ATM: variants seen among roughly 807,000 people sequenced by gnomAD.
The protein encoded by ATM is ATM serine/threonine kinase.
ATM carries 308 observed loss-of-function variants against 387.0 expected under a neutral mutation model. That is an observed-to-expected ratio of 0.80 (90% CI 0.73 to 0.87). The LOEUF is 0.87. Among genes scored for constraint, ATM ranks in the 40% least tolerant of loss-of-function variants. The probability of loss-of-function intolerance (pLI) is 0.00; values close to 1 mark genes in which losing one functional copy is unlikely to be tolerated. For synonymous variants in ATM, 1,156 were observed against 1,187.3 expected, an observed-to-expected ratio of 0.97 and a Z score of 0.54; for missense variants, 3,312 against 3,560.9, an observed-to-expected ratio of 0.93 and a Z score of 1.78.
At chr11:108,242,971 G>A (rs182215827) in intron 5 of ATM, among the ~76,000 whole-genome samples, 9 of 152,230 alleles carry the variant, frequency 5.9e-5, no homozygotes, top group African/African-American at 1.4e-4. Context: ...TGTAATCCTA[G>A]CACTTTGGGA....
rs993072953 is a variant in ATM at position 108,254,330 on chromosome 11, A to G, written c.2124+291A>G. Among the ~76,000 whole-genome samples, 27 of 152,160 alleles carry G rather than the reference A, an allele frequency of 1.8e-4. 1 individual carries two copies. ...TTTGAGCATAGGGATTATATGATGA[A>G]AAAAACCTCTAAATACAAAGGAGGG... On this transcript the variant is annotated intron_variant, in intron 13 of 62. Coordinates refer to ENST00000675843, the MANE Select transcript of ATM (RefSeq NM_000051.4).
intron 61 of ATM, among the ~76,000 whole-genome samples, chr11:108,362,203 C>T (rs1454273115): frequency 2.7e-5 from 4 of 146,432 alleles, no homozygotes; most frequent in African/African-American, 5.0e-5. Context: ...AAAAAATGCT[C>T]ATCATCACTG....
intron 38 of ATM, chr11:108,308,666 A>G: frequency 7.4e-6 from 2 of 269,804 alleles, no homozygotes; most frequent in Non-Finnish European, 1.4e-5. Flanking sequence ...ATAAGTGTGT[A>G]TGGTGGTGGT....
rs772529339 is a variant in ATM, at chr11:108,249,068, C to T, written c.1201C>T (p.Gln401Ter). The T allele has an allele frequency of 3.1e-6, 5 of 1,613,980 alleles. No individual in the cohort carries two copies. Among genetic ancestry groups the T allele is most frequent in the Non-Finnish European group, 4.2e-6 (5 of 1,179,980 alleles). Reference sequence around the variant, plus strand: ...CTGGGAAGTAATAAAAGATCACCTTCAGAAGTCACAGAATGATTTTGATCT... The same window carrying T: ...CTGGGAAGTAATAAAAGATCACCTTTAGAAGTCACAGAATGATTTTGATCT... ...LGWEVIKDHLQKSQNDFDLVP... is the reference protein window; with the variant it reads ...LGWEVIKDHL The change falls in exon 9 of 63, where the codon CAG becomes TAG. Residue 401 changes from glutamine (Q) to a stop codon, truncating the protein, a stop_gained. Coordinates refer to ENST00000675843, the MANE Select transcript of ATM (RefSeq NM_000051.4). LOFTEE classifies it high-confidence loss of function.
chr11:108,304,809 C>G lies in ATM; in HGVS notation c.5631C>G (p.Phe1877Leu), dbSNP rs751327903. 1.9e-6 allele frequency: 3 copies of G among 1,613,210 alleles called. No homozygotes were observed. In the African/African-American group the frequency reaches 4.0e-5, roughly 22 times the overall value. The change falls in exon 37 of 63, where the codon TTC (phenylalanine) becomes TTG (leucine). Residue 1877 changes from phenylalanine (F) to leucine (L), a missense_variant. Phe to Leu is a conservative substitution (Grantham distance 22, BLOSUM62 0). This residue lies in a region of ATM where 1,405 missense variants were observed against 1,604.4 expected (regional missense o/e 0.88). Coordinates refer to ENST00000675843, the MANE Select transcript of ATM (RefSeq NM_000051.4). ...TTTTCACCAGCTGTCTTCGACACTT[C>G]TCGCAAACGAGCCGATCCACAACCC... ...QGFFTSCLRH[F>L]SQTSRSTTPA... is the part of the protein sequence containing the mutation.
chr11:108,263,292 A>T (rs1200994889), intron 16 of ATM, among the ~76,000 whole-genome samples: 1 of 138,140 alleles, frequency 7.2e-6, no homozygotes, highest in African/African-American at 2.8e-5. Context: ...TATCTCTCAG[A>T]CCACAGTGCA....
chr11:108,319,399 C>G (rs1426570534), intron 43 of ATM, among the ~76,000 whole-genome samples: 2 of 152,152 alleles, frequency 1.3e-5, no homozygotes, highest in East Asian at 3.9e-4. Flanking sequence ...ATCCAAGGGC[C>G]TTAGATGTAT....
intron 61 of ATM, among the ~76,000 whole-genome samples, chr11:108,359,361 C>T (rs2090429091): frequency 6.6e-6 from 1 of 151,840 alleles, no homozygotes; most frequent in Admixed American, 6.6e-5. Flanking sequence ...ACTTTAACAC[C>T]CCACTGTCAA....
intron 37 of ATM, 56 bp downstream of exon 37, chr11:108,304,908 G>T: frequency 6.4e-7 from 1 of 1,571,874 alleles, no homozygotes; most frequent in South Asian, 1.1e-5. Flanking sequence ...GAGAAAGATG[G>T]ATTTAAGATG....
chr11:108,275,194 TTTTC>T (rs1276691810), intron 22 of ATM, among the ~76,000 whole-genome samples: 3 of 152,340 alleles, frequency 2.0e-5, no homozygotes, highest in Non-Finnish European at 2.9e-5. Flanking sequence ...CCCTTGCTTT[TTTTC>T]TTTCTATTTG....
intron 36 of ATM, among the ~76,000 whole-genome samples, chr11:108,303,932 G>A (rs2083548743): frequency 6.6e-6 from 1 of 152,142 alleles, no homozygotes; most frequent in Admixed American, 6.5e-5. Context: ...TAAAACTGGT[G>A]TTTTGCCTTG....
chr11:108,294,059 T>C (rs1273804657), intron 31 of ATM, among the ~76,000 whole-genome samples: 6 of 151,600 alleles, frequency 4.0e-5, no homozygotes, highest in Non-Finnish European at 7.4e-5. Flanking sequence ...AAGATCCAAA[T>C]TGTAAGTTTT....
chr11:108,314,123 G>GT (rs548493343), intron 40 of ATM, among the ~76,000 whole-genome samples: 55 of 150,616 alleles, frequency 3.7e-4, no homozygotes, highest in Admixed American at 6.0e-4. Context: ...CAGTTTTTTT[G>GT]TTTTTTTTTC....
In ATM at chr11:108,368,706, T is replaced by G. The variant is rs764033869; in HGVS notation, c.*3198T>G. The stretch of plus-strand genomic sequence containing the variant: ...AAATTATAGACTGCTTGAACAGTTG[T>G]GTCCAGATTAAGGGAGATAATAGCT... On this transcript the variant is annotated 3_prime_UTR_variant, in exon 63 of 63. Coordinates refer to ENST00000675843, the MANE Select transcript of ATM (RefSeq NM_000051.4). 233 of 216,082 alleles carry G rather than the reference T, an allele frequency of 1.1e-3. No homozygotes were observed. Among genetic ancestry groups the G allele is most frequent in the Non-Finnish European group, 1.7e-3 (182 of 107,226 alleles). 13.4% of individuals were successfully genotyped at this position (216,082 alleles called of 1,614,324 possible).
At position 108,289,836 on chromosome 11, in the gene ATM, C is replaced by G. The variant is rs376997709; in HGVS notation, c.4436+35C>G. 7.5e-5 allele frequency: 118 copies of G among 1,573,084 alleles called. No homozygotes were observed. In the African/African-American group the frequency reaches 1.4e-3, roughly 18 times the overall value. On this transcript the variant is annotated intron_variant, in intron 29 of 62. Transcript: ENST00000675843. The stretch of plus-strand genomic sequence containing the variant: ...ATATTTAGACCAATATATAAGCAGT[C>G]TTTCTATCCTGTTCTTCCTGTTTTT...
At chr11:108,238,111 G>A (rs1162670248) in intron 5 of ATM, among the ~76,000 whole-genome samples, 1 of 151,956 alleles carries the variant, frequency 6.6e-6, no homozygotes, top group East Asian at 1.9e-4. Context: ...ATTTTTAGTA[G>A]AGACAGGGTT....
At chr11:108,276,602 C>CTT (rs1349940862) in intron 22 of ATM, among the ~76,000 whole-genome samples, 1 of 152,048 alleles carries the variant, frequency 6.6e-6, no homozygotes, top group African/African-American at 2.4e-5. Flanking sequence ...GTTAGTTTTC[C>CTT]TTTTTACAGT....
intron 16 of ATM, among the ~76,000 whole-genome samples, chr11:108,261,562 A>G (rs956215578): frequency 6.6e-6 from 1 of 152,118 alleles, no homozygotes; most frequent in Non-Finnish European, 1.5e-5. Flanking sequence ...TGGAAACTCT[A>G]AAAAGCAGAG....
intron 26 of ATM, 89 bp from the exon 27 acceptor site, chr11:108,287,511 T>C (rs2082552306): frequency 5.1e-6 from 4 of 788,470 alleles, no homozygotes; most frequent in African/African-American, 3.5e-5. Context: ...TCGAATACTT[T>C]TGGAAATAAG....
Sources: allele counts gnomAD v4.1 joint callset (sites outside exome capture counted in the v4.1 genomes callset), GRCh38; gene constraint gnomAD v4.1.1; regional missense constraint gnomAD v4.1.1; transcripts MANE v1.5; gene names NCBI Gene and HGNC (gene_info 2026-07-23, HGNC 2026-07-21).